FIP1L1: variants seen among roughly 807,000 people sequenced by gnomAD.
The protein encoded by FIP1L1 is pre-mRNA 3'-end-processing factor FIP1.
In FIP1L1, 21 loss-of-function variants were observed where a neutral mutation model predicts 84.6. The ratio of observed to expected loss-of-function variants is 0.25; its 90% CI spans 0.18 to 0.36. The LOEUF is 0.36. FIP1L1 is among the 10% of genes least tolerant of loss of function. The probability of loss-of-function intolerance (pLI) is 1.00; values close to 1 mark genes in which losing one functional copy is unlikely to be tolerated. For synonymous variants in FIP1L1, 263 were observed against 242.3 expected, an observed-to-expected ratio of 1.09 and a Z score of -0.80; for missense variants, 526 against 751.1, an observed-to-expected ratio of 0.70 and a Z score of 3.50.
intron 15 of FIP1L1, among the ~76,000 whole-genome samples, chr4:53,444,407 A>G (rs909503237): frequency 6.6e-6 from 1 of 152,076 alleles, no homozygotes; most frequent in Non-Finnish European, 1.5e-5. Flanking sequence ...TAACGTTTCT[A>G]TTTCTTCACT....
At chr4:53,430,842 C>T (rs1453085509) in intron 13 of FIP1L1, among the ~76,000 whole-genome samples, 1 of 152,148 alleles carries the variant, frequency 6.6e-6, no homozygotes, top group Non-Finnish European at 1.5e-5. Context: ...TTTCTATGCT[C>T]TTCTGTCAAC....
chr4:53,449,081 A>G (rs1267315526), intron 15 of FIP1L1, among the ~76,000 whole-genome samples: 2 of 151,052 alleles, frequency 1.3e-5, no homozygotes, highest in East Asian at 3.9e-4. Context: ...TTTTTTTCAG[A>G]TCCTTGTTTG....
At chr4:53,417,778 CT>C (rs1760421175) in intron 11 of FIP1L1, among the ~76,000 whole-genome samples, 5 of 23,148 alleles carry the variant, frequency 2.2e-4, no homozygotes, top group Non-Finnish European at 3.7e-4. Flanking sequence ...CTCTCTCTCT[CT>C]CTCTCTCTCT....
Position 53,433,936 on chromosome 4 carries a change from T to C in FIP1L1, c.1174+5753T>C, listed in dbSNP as rs369018091. Among the ~76,000 whole-genome samples, 213 of 152,040 alleles carry C rather than the reference T, an allele frequency of 1.4e-3. 5 individuals are homozygous for C. In the South Asian group the frequency reaches 0.042, roughly 30 times the overall value. The stretch of plus-strand genomic sequence containing the variant: ...TATGTTAATTTCGGGTTAGGGATGA[T>C]ATATAGGAATCGGGTCAGGGGGTGG... On this transcript the variant is annotated intron_variant, in intron 13 of 17. Transcript: ENST00000337488.
intron 11 of FIP1L1, among the ~76,000 whole-genome samples, chr4:53,415,991 T>C (rs890989611): frequency 1.3e-5 from 2 of 152,212 alleles, no homozygotes; most frequent in African/African-American, 4.8e-5. Flanking sequence ...TTATATAATA[T>C]TGATTTATCT....
chr4:53,380,768 TGA>T (rs1737430585), intron 3 of FIP1L1, among the ~76,000 whole-genome samples: 1 of 152,174 alleles, frequency 6.6e-6, no homozygotes, highest in Non-Finnish European at 1.5e-5. Flanking sequence ...ACCACAAAGT[TGA>T]GATTAGTTTT....
At chr4:53,436,516 C>G (rs1255313916) in intron 13 of FIP1L1, among the ~76,000 whole-genome samples, 1 of 152,108 alleles carries the variant, frequency 6.6e-6, no homozygotes, top group Non-Finnish European at 1.5e-5. Context: ...TCTTTTGTAA[C>G]CTAGTCATGG....
intron 11 of FIP1L1, among the ~76,000 whole-genome samples, chr4:53,424,128 C>T (rs1242639210): frequency 5.3e-5 from 8 of 151,858 alleles, no homozygotes; most frequent in Non-Finnish European, 8.8e-5. Flanking sequence ...CAGTGATTGG[C>T]AAGAGAAAAT....
At chr4:53,422,715 T>C (rs971537172) in intron 11 of FIP1L1, among the ~76,000 whole-genome samples, 63 of 151,214 alleles carry the variant, frequency 4.2e-4, no homozygotes, top group African/African-American at 1.4e-3. Flanking sequence ...TATATGTATA[T>C]ATATATATTT....
At chr4:53,398,249 G>T (rs937148721) in intron 9 of FIP1L1, among the ~76,000 whole-genome samples, 1 of 152,044 alleles carries the variant, frequency 6.6e-6, no homozygotes, top group Non-Finnish European at 1.5e-5. Context: ...ATTTCTTTCT[G>T]TTCCCATTGC....
intron 13 of FIP1L1, among the ~76,000 whole-genome samples, chr4:53,437,960 T>C (rs1770177977): frequency 1.3e-5 from 2 of 152,046 alleles, no homozygotes; most frequent in East Asian, 3.9e-4. Flanking sequence ...CTCCTGACTT[T>C]GTGATCTACC....
chr4:53,399,392 T>C (rs1749086690), intron 9 of FIP1L1, among the ~76,000 whole-genome samples: 1 of 152,232 alleles, frequency 6.6e-6, no homozygotes, highest in South Asian at 2.1e-4. Flanking sequence ...AAGGTCTTTC[T>C]TGAATTCGAA....
rs371265509 is a variant in FIP1L1, at chr4:53,414,598, A to T, written c.816-17A>T. 1 of 1,585,428 alleles carries T rather than the reference A, an allele frequency of 6.3e-7. No homozygotes were observed. The highest frequency in any genetic ancestry group is 1.4e-5 in the African/African-American group (1 of 73,978). Reference sequence around the variant, plus strand: ...CAACAATATGTAAGAAAAAACATAGAAAATTTATCTCACCAGAAACAGCAC... The same window carrying T: ...CAACAATATGTAAGAAAAAACATAGTAAATTTATCTCACCAGAAACAGCAC... On this transcript the variant is annotated splice_polypyrimidine_tract_variant and intron_variant, in intron 10 of 17. Coordinates refer to ENST00000337488, the MANE Select transcript of FIP1L1 (RefSeq NM_030917.4).
At chr4:53,404,167 C>T in intron 10 of FIP1L1, among the ~76,000 whole-genome samples, 1 of 108,830 alleles carries the variant, frequency 9.2e-6, no homozygotes, top group East Asian at 3.5e-4. Context: ...CCCCTCCCCC[C>T]ACCCCACAAC....
Position 53,377,829 on chromosome 4 carries a change from C to T in FIP1L1, c.-10C>T, listed in dbSNP as rs770520232. On this transcript the variant is annotated 5_prime_UTR_variant, in exon 1 of 18. Transcript: ENST00000337488. ...TTGATCGCCGCGTTTAAGTTGCGCT[C>T]GGGGCGGCCATGTCGGCCGGCGAGG... 7 of 1,561,070 alleles carry T rather than the reference C, an allele frequency of 4.5e-6. No individual in the cohort carries two copies. The highest frequency in any genetic ancestry group is 4.8e-5 in the East Asian group (2 of 42,030).
chr4:53,408,243 A>T (rs1754907952), intron 10 of FIP1L1, among the ~76,000 whole-genome samples: 1 of 151,904 alleles, frequency 6.6e-6, no homozygotes, highest in African/African-American at 2.4e-5. Context: ...TTATTTCTCC[A>T]TCTCTTATGA....
intron 10 of FIP1L1, among the ~76,000 whole-genome samples, chr4:53,408,967 G>T (rs946977767): frequency 7.9e-5 from 12 of 152,106 alleles, no homozygotes; most frequent in Non-Finnish European, 2.9e-5. Context: ...GGAGTAGTTT[G>T]ATCGTCTGAA....
intron 13 of FIP1L1, among the ~76,000 whole-genome samples, chr4:53,436,549 T>G (rs1295769896): frequency 6.6e-5 from 10 of 152,196 alleles, no homozygotes; most frequent in African/African-American, 1.2e-4. Flanking sequence ...TTGATTTTTT[T>G]TGTGTGTGGT....
intron 11 of FIP1L1, among the ~76,000 whole-genome samples, chr4:53,415,414 A>G (rs530226431): frequency 6.6e-6 from 1 of 152,302 alleles, no homozygotes; most frequent in African/African-American, 2.4e-5. Flanking sequence ...GCAGTGATCA[A>G]TCTGAGAGAT....
Sources: gnomAD v4.1 joint callset for allele counts (sites outside exome capture counted in the v4.1 genomes callset) on GRCh38, gnomAD v4.1.1 for gene constraint, MANE v1.5 for transcripts, NCBI Gene and HGNC (gene_info 2026-07-23, HGNC 2026-07-21) for gene names.